CTHRC1: variants seen among roughly 807,000 people sequenced by gnomAD.
The protein encoded by CTHRC1 is collagen triple helix repeat containing 1.
A neutral mutation model predicts 25.9 loss-of-function variants in CTHRC1; 21 were observed. The ratio of observed to expected loss-of-function variants is 0.81; its 90% CI spans 0.57 to 1.17. CTHRC1 has a LOEUF of 1.17. CTHRC1 is among the 50% of genes most tolerant of loss of function. The probability of loss-of-function intolerance (pLI) is 0.00; values close to 1 mark genes in which losing one functional copy is unlikely to be tolerated. For missense variants in CTHRC1, 281 were observed against 304.3 expected, an observed-to-expected ratio of 0.92 and a Z score of 0.57; for synonymous variants, 109 against 113.1, an observed-to-expected ratio of 0.96 and a Z score of 0.23.
At chr8:103,373,385 G>C (rs539894020) in intron 1 of CTHRC1, among the ~76,000 whole-genome samples, 2 of 151,644 alleles carry the variant, frequency 1.3e-5, no homozygotes, top group African/African-American at 4.8e-5. Context: ...ACAAAGCTCT[G>C]CCCCCTGGTG....
chr8:103,379,630 G>A (rs1196954288), intron 3 of CTHRC1, among the ~76,000 whole-genome samples: 2 of 152,094 alleles, frequency 1.3e-5, no homozygotes, highest in African/African-American at 4.8e-5. Flanking sequence ...TTTCATAGAA[G>A]AAAAATAAGA....
Position 103,382,666 on chromosome 8 carries a change from T to C in CTHRC1, c.*66T>C. 7.2e-7 allele frequency: 1 copy of C among 1,385,196 alleles called. No individual in the cohort carries two copies. Among genetic ancestry groups the C allele is most frequent in the African/African-American group, 1.4e-5 (1 of 70,452 alleles). 85.8% of individuals were successfully genotyped at this position (1,385,196 alleles called of 1,614,324 possible). A position where few individuals can be genotyped will look rare whatever the true frequency, so the allele number is the denominator to read the frequency against. Reference sequence around the variant, plus strand: ...CTTGGAATGGTTCACTTAAATGACATTTTAAATAAGTTTATGTATACATCT... The same window carrying C: ...CTTGGAATGGTTCACTTAAATGACACTTTAAATAAGTTTATGTATACATCT... On this transcript the variant is annotated 3_prime_UTR_variant, in exon 4 of 4. Transcript: ENST00000330295.
In CTHRC1 at chr8:103,382,518, C is replaced by T; in HGVS notation, c.650C>T (p.Thr217Ile). The T allele has an allele frequency of 1.2e-6, 2 of 1,613,448 alleles. No individual in the cohort carries two copies. The highest frequency in any genetic ancestry group is 1.7e-6 in the Non-Finnish European group (2 of 1,179,492). Reference protein sequence around the residue: ...GLVDVAIWVGTCSDYPKGDAS... With the variant: ...GLVDVAIWVGICSDYPKGDAS... ...GTGGATGTTGCTATCTGGGTTGGTA[C>T]TTGTTCAGATTACCCAAAAGGAGAT... The change falls in exon 4 of 4, where the codon ACT (threonine) becomes ATT (isoleucine). Residue 217 changes from threonine (T) to isoleucine (I), a missense_variant. By Grantham distance (89) the Thr-to-Ile change is moderately conservative. Transcript: ENST00000330295.
rs1563707056 is a variant in CTHRC1, at chr8:103,372,303, C to G, written c.150+497C>G. 5 of 639,124 alleles carry G rather than the reference C, an allele frequency of 7.8e-6. No homozygotes were observed. The Admixed American group carries it at 1.7e-4, about 22-fold the overall frequency. 39.6% of individuals were successfully genotyped at this position (639,124 alleles called of 1,614,324 possible). On this transcript the variant is annotated intron_variant, in intron 1 of 3. Transcript: ENST00000330295. ...CACGTCTGCCTGCGAGAGAGAATAACAACCCCCACAAAGCATCCGTCCAAC... is the reference window on the plus strand; with the variant it reads ...CACGTCTGCCTGCGAGAGAGAATAAGAACCCCCACAAAGCATCCGTCCAAC...
rs1163166873 is a variant in CTHRC1, at chr8:103,377,892, C to T, written c.373-135C>T. The T allele has an allele frequency of 3.8e-6, 3 of 789,486 alleles. No individual in the cohort carries two copies. The Admixed American group carries it at 6.2e-5, about 16-fold the overall frequency. The allele number at this position is 789,486 out of a possible 1,614,324, so 48.9% of individuals were successfully genotyped here. A position where few individuals can be genotyped will look rare whatever the true frequency, so the allele number is the denominator to read the frequency against. ...ATGCTGGGATTACAGGTATGAGCCA[C>T]CACACCCGGCCAAGTTAAACTTTTT... is the stretch of plus-strand genomic sequence containing the variant. On this transcript the variant is annotated intron_variant, in intron 2 of 3. Transcript: ENST00000330295.
chr8:103,372,665 T>C (rs762976142), intron 1 of CTHRC1: 1 of 1,596,958 alleles, frequency 6.3e-7, no homozygotes, highest in Non-Finnish European at 8.5e-7. Flanking sequence ...GGAAGGTATG[T>C]TTGCTTAAAA....
chr8:103,379,122 T>C (rs1178866487), intron 3 of CTHRC1, among the ~76,000 whole-genome samples: 1 of 152,250 alleles, frequency 6.6e-6, no homozygotes, highest in Non-Finnish European at 1.5e-5. Flanking sequence ...GCTGAATTTG[T>C]AAAAGACAAA....
In CTHRC1 at chr8:103,375,781, G is replaced by C. The variant is rs147175675; in HGVS notation, c.194G>C (p.Arg65Pro). 3 of 1,614,074 alleles carry C rather than the reference G, an allele frequency of 1.9e-6. No homozygotes were observed. Among genetic ancestry groups the C allele is most frequent in the South Asian group, 2.2e-5 (2 of 91,072 alleles). ...CLQGPAGVPGRDGSPGANGIP... is the reference protein window; with the variant it reads ...CLQGPAGVPGPDGSPGANGIP... ...CAAGGGCCAGCAGGAGTGCCTGGTC[G>C]AGACGGGAGCCCTGGGGCCAATGGC... Residue 65 changes from arginine (R) to proline (P), a missense_variant, in exon 2 of 4, where the codon CGA (arginine) becomes CCA (proline). Physicochemically the swap from Arg to Pro is moderately radical, Grantham distance 103. Transcript: ENST00000330295.
At chr8:103,380,618 A>G (rs944596439) in intron 3 of CTHRC1, among the ~76,000 whole-genome samples, 2 of 152,228 alleles carry the variant, frequency 1.3e-5, no homozygotes, top group African/African-American at 4.8e-5. Flanking sequence ...TTAACAAGCT[A>G]TCATACTACA....
rs560079350 is a variant in CTHRC1 at position 103,382,950 on chromosome 8, AT to A, written c.*358del. On this transcript the variant is annotated 3_prime_UTR_variant, in exon 4 of 4. Coordinates refer to ENST00000330295, the MANE Select transcript of CTHRC1 (RefSeq NM_138455.4). ...TTTGTACAATTTGTAAATGTTAAGA[AT>A]TTTTTTTATATCTGTTAAATAAAAA... The A allele has an allele frequency of 6.5e-4, 116 of 178,684 alleles. No homozygotes were observed. Among genetic ancestry groups the A allele is most frequent in the Admixed American group, 2.2e-3 (38 of 17,482 alleles). 11.1% of individuals were successfully genotyped at this position (178,684 alleles called of 1,614,324 possible).
intron 1 of CTHRC1, chr8:103,372,693 C>G (rs1238606863): frequency 1.3e-6 from 2 of 1,579,194 alleles, no homozygotes; most frequent in Non-Finnish European, 1.7e-6. Context: ...CTCTAAAAAT[C>G]AACAAACCCA....
At chr8:103,374,083 T>C (rs1815762023) in intron 1 of CTHRC1, among the ~76,000 whole-genome samples, 1 of 152,234 alleles carries the variant, frequency 6.6e-6, no homozygotes, top group African/African-American at 2.4e-5. Flanking sequence ...TTTCTTTTTT[T>C]TAACTATTTC....
At chr8:103,376,973 A>G (rs1428065124) in intron 2 of CTHRC1, among the ~76,000 whole-genome samples, 1 of 152,172 alleles carries the variant, frequency 6.6e-6, no homozygotes, top group Non-Finnish European at 1.5e-5. Context: ...CTGGTTGTTT[A>G]TTTATAGTTG....
chr8:103,375,778 G>T lies in CTHRC1; in HGVS notation c.191G>T (p.Gly64Val). Residue 64 changes from glycine (G) to valine (V), a missense_variant, in exon 2 of 4, where the codon GGT becomes GTT. Transcript: ENST00000330295. Reference sequence around the variant, plus strand: ...TTACAAGGGCCAGCAGGAGTGCCTGGTCGAGACGGGAGCCCTGGGGCCAAT... The same window carrying T: ...TTACAAGGGCCAGCAGGAGTGCCTGTTCGAGACGGGAGCCCTGGGGCCAAT... ...MCLQGPAGVP[G>V]RDGSPGANGI... 6.2e-7 allele frequency: 1 copy of T among 1,614,114 alleles called. No homozygotes were observed. Among genetic ancestry groups the T allele is most frequent in the Non-Finnish European group, 8.5e-7 (1 of 1,180,014 alleles).
chr8:103,371,690 C>T lies in CTHRC1; in HGVS notation c.34C>T (p.Arg12Trp), dbSNP rs759883546. 1.3e-6 allele frequency: 2 copies of T among 1,533,028 alleles called. No homozygotes were observed. The highest frequency in any genetic ancestry group is 8.8e-7 in the Non-Finnish European group (1 of 1,140,888). The allele number at this position is 1,533,028 out of a possible 1,614,324, so 95.0% of individuals were successfully genotyped here. A position where few individuals can be genotyped will look rare whatever the true frequency, so the allele number is the denominator to read the frequency against. ...RPQGPAASPQ[R>W]LRGLLLLLLL... ...CCAGGGCCCCGCCGCCTCCCCGCAG[C>T]GGCTCCGCGGCCTCCTGCTGCTCCT... Residue 12 changes from arginine to tryptophan, a missense_variant, in exon 1 of 4, where the codon CGG (arginine) becomes TGG (tryptophan). Physicochemically the swap from Arg to Trp is moderately radical, Grantham distance 101. Transcript: ENST00000330295.
At chr8:103,373,404 A>G (rs1182886591) in intron 1 of CTHRC1, among the ~76,000 whole-genome samples, 2 of 151,860 alleles carry the variant, frequency 1.3e-5, no homozygotes, top group African/African-American at 4.8e-5. Context: ...TGGCCAGTGA[A>G]AGAAACAGGG....
chr8:103,372,669 C>T (rs1815729433), intron 1 of CTHRC1: 1 of 1,595,130 alleles, frequency 6.3e-7, no homozygotes, highest in East Asian at 2.2e-5. Context: ...GGTATGTTTG[C>T]TTAAAATCCT....
chr8:103,372,511 C>A, intron 1 of CTHRC1: 1 of 1,597,956 alleles, frequency 6.3e-7, no homozygotes, highest in Non-Finnish European at 8.5e-7. Context: ...CTGTTTAAAC[C>A]AAATGGGCAG....
In CTHRC1 at chr8:103,371,609, C is replaced by T. The variant is rs1815696698; in HGVS notation, c.-48C>T. On this transcript the variant is annotated 5_prime_UTR_variant, in exon 1 of 4. Coordinates refer to ENST00000330295, the MANE Select transcript of CTHRC1 (RefSeq NM_138455.4). ...GCCAGACGCTGACCACGTTCCTCTC[C>T]TCGGTCTCCTCCGCCTCCAGCTCCG... 1 of 1,523,572 alleles carries T rather than the reference C, an allele frequency of 6.6e-7. No individual in the cohort carries two copies. The highest frequency in any genetic ancestry group is 1.2e-5 in the South Asian group (1 of 81,694). 94.4% of individuals were successfully genotyped at this position (1,523,572 alleles called of 1,614,324 possible).
Sources: gnomAD v4.1 joint callset for allele counts (sites outside exome capture counted in the v4.1 genomes callset) on GRCh38, gnomAD v4.1.1 for gene constraint, MANE v1.5 for transcripts, NCBI Gene and HGNC (gene_info 2026-07-23, HGNC 2026-07-21) for gene names.